The following POF1B variants were observed in gnomAD, a reference collection of about 807,000 sequenced individuals.
The protein encoded by POF1B is protein POF1B.
POF1B carries 53 observed loss-of-function variants against 55.3 expected under a neutral mutation model. That is an observed-to-expected ratio of 0.96 (90% confidence interval 0.77 to 1.20). The LOEUF is 1.20. Among genes scored for constraint, POF1B ranks in the 50% most tolerant of loss-of-function variants. The probability of loss-of-function intolerance (pLI) is 0.00; values close to 1 mark genes in which losing one functional copy is unlikely to be tolerated. For synonymous variants in POF1B, 188 were observed against 148.3 expected (o/e 1.27, Z -1.95); for missense variants, 478 against 420.5 (o/e 1.14, Z -1.20).
chrX:85,303,383 A>C (rs1932500063), intron 15 of POF1B, 23 bp downstream of exon 15: 2 of 1,012,310 alleles, frequency 2.0e-6, no homozygotes, highest in Middle Eastern at 3.5e-4. Context: ...TTTATATTCA[A>C]ATTTCATTTA....
chrX:85,351,234 T>A, intron 5 of POF1B, 116 bp downstream of exon 5: 1 of 443,543 alleles, frequency 2.3e-6, no homozygotes, highest in Non-Finnish European at 3.8e-6. Context: ...CATAGCATAT[T>A]ATAACTCATG....
intron 16 of POF1B, among the ~76,000 whole-genome samples, chrX:85,281,282 A>T (rs891682532): frequency 3.6e-5 from 4 of 110,305 alleles, no homozygotes; most frequent in Non-Finnish European, 7.6e-5. Flanking sequence ...GACTTAAAGT[A>T]TACAGTAAGA....
intron 6 of POF1B, among the ~76,000 whole-genome samples, chrX:85,339,133 G>C (rs1409897190): frequency 4.5e-5 from 5 of 111,045 alleles, no homozygotes. Context: ...ACATGGCTTG[G>C]GAGGCCTCAC....
intron 6 of POF1B, 145 bp from the exon 7 acceptor site, chrX:85,331,224 G>T: frequency 3.6e-6 from 2 of 559,403 alleles, no homozygotes; most frequent in Non-Finnish European, 2.6e-6. Flanking sequence ...TTTTTAATGT[G>T]GGAGAAATTT....
At chrX:85,370,318 C>T (rs1421059716) in intron 2 of POF1B, among the ~76,000 whole-genome samples, 1 of 111,615 alleles carries the variant, frequency 9.0e-6, no homozygotes, top group Admixed American at 9.5e-5. Context: ...ACATTAAGTC[C>T]ATAGATTATA....
chrX:85,288,287 C>A (rs750958464), intron 15 of POF1B, among the ~76,000 whole-genome samples: 3 of 111,230 alleles, frequency 2.7e-5, no homozygotes, highest in African/African-American at 9.8e-5. Context: ...AAGTCGTACT[C>A]TCTTCCTCTA....
Position 85,345,926 on chromosome X carries a change from A to G in POF1B, c.657T>C (p.Asn219=). Residue 219 remains asparagine (N), a synonymous_variant, in exon 6 of 17, where the codon AAT becomes AAC. Coordinates refer to ENST00000262753, the MANE Select transcript of POF1B (RefSeq NM_024921.4). ...TTCCAATATGTGTAGAAATTGGATTATTTCCTGTGATGGCTTGGATTTGCT... is the reference window on the plus strand; with the variant it reads ...TTCCAATATGTGTAGAAATTGGATTGTTTCCTGTGATGGCTTGGATTTGCT... ...SSQQIQAITG[N]NPISTHIGNE... 8.3e-7 allele frequency: 1 copy of G among 1,208,153 alleles called. No homozygotes were observed.
intron 4 of POF1B, among the ~76,000 whole-genome samples, chrX:85,357,981 C>A (rs947826556): frequency 9.0e-6 from 1 of 111,112 alleles, no homozygotes; most frequent in Non-Finnish European, 1.9e-5. Flanking sequence ...AGTGGGTCAC[C>A]TTACTCTCAG....
chrX:85,308,255 A>T (rs1211904353), intron 9 of POF1B, 39 bp from the exon 10 acceptor site: 2 of 950,464 alleles, frequency 2.1e-6, no homozygotes, highest in East Asian at 3.3e-5. Flanking sequence ...TTTTATTAAC[A>T]TTTGAAAATA....
chrX:85,365,153 A>G (rs1933696089), intron 3 of POF1B, among the ~76,000 whole-genome samples: 1 of 111,130 alleles, frequency 9.0e-6, no homozygotes, highest in Non-Finnish European at 1.9e-5. Context: ...TGGTTTTTGT[A>G]TCATTTTATT....
intron 13 of POF1B, 116 bp from the exon 14 acceptor site, chrX:85,304,587 A>G (rs1433459927): frequency 2.0e-5 from 7 of 355,070 alleles, no homozygotes; most frequent in African/African-American, 1.6e-4. Context: ...AAAGTAAAAT[A>G]CCAATAGTCA....
At chrX:85,366,582 T>A (rs1213288080) in intron 3 of POF1B, among the ~76,000 whole-genome samples, 1 of 111,812 alleles carries the variant, frequency 8.9e-6, no homozygotes, top group Admixed American at 9.5e-5. Flanking sequence ...AATACAATTT[T>A]TTGACTGGAT....
chrX:85,326,312 T>C (rs1932896242), intron 7 of POF1B, among the ~76,000 whole-genome samples: 1 of 111,301 alleles, frequency 9.0e-6, no homozygotes, highest in Non-Finnish European at 1.9e-5. Flanking sequence ...CCAGTGTCCC[T>C]GCATGCGTTT....
intron 15 of POF1B, among the ~76,000 whole-genome samples, chrX:85,293,614 CTG>C (rs1932241673): frequency 8.9e-6 from 1 of 111,883 alleles, no homozygotes; most frequent in Non-Finnish European, 1.9e-5. Flanking sequence ...CAACAAACCT[CTG>C]TGACTCGTTT....
chrX:85,317,744 A>G (rs1389890701), intron 7 of POF1B, among the ~76,000 whole-genome samples: 4 of 111,866 alleles, frequency 3.6e-5, no homozygotes, highest in Non-Finnish European at 7.5e-5. Flanking sequence ...AATATAAATA[A>G]TTCTACTGTA....
intron 15 of POF1B, among the ~76,000 whole-genome samples, chrX:85,293,774 ACCAGCCTGG>A (rs751100954): frequency 2.7e-5 from 3 of 111,562 alleles, no homozygotes; most frequent in Non-Finnish European, 5.7e-5. Context: ...GGAGTTCAAG[ACCAGCCTGG>A]CCAACATGGT....
chrX:85,351,318 A>G (rs1933381937), intron 5 of POF1B, 32 bp downstream of exon 5: 1 of 1,041,742 alleles, frequency 9.6e-7, no homozygotes, highest in South Asian at 2.1e-5. Flanking sequence ...TTATACACTT[A>G]AAAACAAGTT....
At position 85,304,367 on chromosome X, in the gene POF1B, A is replaced by C; in HGVS notation, c.1542T>G (p.Asp514Glu). Reference protein sequence around the residue: ...HELTSLLEEKDSLIKRQSEEL... With the variant: ...HELTSLLEEKESLIKRQSEEL... ...CCTCTGACTGACGCTTTATGAGGGA[A>C]TCCTTCTCTTCCAGCAAGCTTGTCA... Residue 514 changes from aspartate to glutamate, a missense_variant, in exon 14 of 17, where the codon GAT becomes GAG. By Grantham distance (45) the Asp-to-Glu change is conservative. Transcript: ENST00000262753. The C allele has an allele frequency of 1.5e-5, 18 of 1,192,099 alleles. No homozygotes were observed. The highest frequency in any genetic ancestry group is 2.0e-5 in the Non-Finnish European group (18 of 885,043).
chrX:85,348,591 T>A (rs1420081659), intron 5 of POF1B, among the ~76,000 whole-genome samples: 8 of 111,378 alleles, frequency 7.2e-5, no homozygotes, highest in Non-Finnish European at 1.5e-4. Context: ...TCTCCACCAA[T>A]GAGGAAACTA....
Sources: gnomAD v4.1 joint callset for allele counts (sites outside exome capture counted in the v4.1 genomes callset) on GRCh38, gnomAD v4.1.1 for gene constraint, MANE v1.5 for transcripts, NCBI Gene and HGNC (gene_info 2026-07-23, HGNC 2026-07-21) for gene names.